ANKHD1: variants seen among roughly 807,000 people sequenced by gnomAD.
The protein encoded by ANKHD1 is ankyrin repeat and KH domain-containing protein 1.
ANKHD1 carries 31 observed loss-of-function variants against 230.5 expected under a neutral mutation model. The observed-to-expected ratio is 0.13, with a 90% CI of 0.10 to 0.18. The LOEUF is 0.18. Ranked by LOEUF, ANKHD1 falls within the 10% of genes least tolerant of loss-of-function variation. ANKHD1 has a pLI of 1.00. For synonymous variants in ANKHD1, 1,074 were observed against 1,117.6 expected, an observed-to-expected ratio of 0.96 and a Z score of 0.78; for missense variants, 2,256 against 3,071.3, an observed-to-expected ratio of 0.73 and a Z score of 6.27.
intron 10 of ANKHD1, among the ~76,000 whole-genome samples, chr5:140,470,906 T>C (rs1013689528): frequency 5.9e-5 from 9 of 152,096 alleles, no homozygotes; most frequent in African/African-American, 2.2e-4. Flanking sequence ...GGATTACAAG[T>C]ATGAGCCACC....
chr5:140,531,605 A>G (rs1753821101), intron 29 of ANKHD1, among the ~76,000 whole-genome samples: 1 of 152,150 alleles, frequency 6.6e-6, no homozygotes. Context: ...GTAATACTTA[A>G]GAAGATGGGA....
chr5:140,429,774 T>A (rs1051021941), intron 1 of ANKHD1, among the ~76,000 whole-genome samples: 21 of 152,368 alleles, frequency 1.4e-4, no homozygotes, highest in African/African-American at 5.1e-4. Flanking sequence ...TATTATTATT[T>A]TATTACAGTA....
chr5:140,533,647 G>A (rs927964643), intron 29 of ANKHD1, among the ~76,000 whole-genome samples: 4 of 151,456 alleles, frequency 2.6e-5, no homozygotes, highest in Non-Finnish European at 4.4e-5. Context: ...GGTGGTACAC[G>A]CTTGTAGTCC....
chr5:140,503,441 A>G (rs1209170983), intron 15 of ANKHD1, among the ~76,000 whole-genome samples: 2 of 151,996 alleles, frequency 1.3e-5, no homozygotes, highest in East Asian at 3.9e-4. Context: ...ACTACTCACA[A>G]CATCCCTGAG....
chr5:140,468,955 C>T (rs929352518), intron 10 of ANKHD1, among the ~76,000 whole-genome samples: 2 of 152,126 alleles, frequency 1.3e-5, no homozygotes, highest in African/African-American at 2.4e-5. Context: ...TTTATTGTTT[C>T]GGGAGGTCCA....
chr5:140,414,387 A>G (rs1317379728), intron 1 of ANKHD1, among the ~76,000 whole-genome samples: 1 of 152,192 alleles, frequency 6.6e-6, no homozygotes, highest in Non-Finnish European at 1.5e-5. Context: ...GATAATAGCA[A>G]TTCTAATGGG....
chr5:140,457,148 A>T (rs544615522), intron 7 of ANKHD1, among the ~76,000 whole-genome samples: 2 of 152,216 alleles, frequency 1.3e-5, no homozygotes, highest in Admixed American at 6.5e-5. Context: ...TCAAAACCAC[A>T]ATGAGATACC....
chr5:140,475,084 TTCTC>T (rs1308521482), intron 10 of ANKHD1, among the ~76,000 whole-genome samples: 1 of 152,210 alleles, frequency 6.6e-6, no homozygotes, highest in African/African-American at 2.4e-5. Flanking sequence ...TAAAGCCAAG[TTCTC>T]TCTTTCTATG....
intron 5 of ANKHD1, among the ~76,000 whole-genome samples, chr5:140,442,030 A>ATTTTTTTTTTTTTTTTTTTT (rs1561726990): frequency 1.5e-5 from 2 of 134,568 alleles, no homozygotes; most frequent in African/African-American, 5.6e-5. Context: ...CTAATAAGAT[A>ATTTTTTTTTTTTTTTTTTTT]TTCTTTTTTT....
intron 22 of ANKHD1, 100 bp from the exon 23 acceptor site, chr5:140,512,728 G>T: frequency 1.8e-6 from 2 of 1,097,480 alleles, no homozygotes; most frequent in East Asian, 5.8e-5. Flanking sequence ...CAAAATCAAG[G>T]GATTCCTTTG....
In ANKHD1 at chr5:140,421,924, T is replaced by C. The variant is rs190719430; in HGVS notation, c.307-14180T>C. Among the ~76,000 whole-genome samples, 1,208 of 152,356 alleles carry C rather than the reference T, an allele frequency of 7.9e-3. 9 individuals carry two copies. Among genetic ancestry groups the C allele is most frequent in the Admixed American group, 0.012 (177 of 15,304 alleles). On this transcript the variant is annotated intron_variant, in intron 1 of 33. Transcript: ENST00000360839. ...CCCCTCAACAGAATTTAGAATTATATGATGATATAGTATCACGAGTACTAT... is the reference window on the plus strand; with the variant it reads ...CCCCTCAACAGAATTTAGAATTATACGATGATATAGTATCACGAGTACTAT...
chr5:140,443,276 T>G (rs1774007153), intron 5 of ANKHD1, among the ~76,000 whole-genome samples: 1 of 152,154 alleles, frequency 6.6e-6, no homozygotes, highest in Non-Finnish European at 1.5e-5. Flanking sequence ...CCACAAATTT[T>G]AGGGGCAGAG....
chr5:140,536,294 A>G (rs1754068980), intron 30 of ANKHD1, among the ~76,000 whole-genome samples: 1 of 152,146 alleles, frequency 6.6e-6, no homozygotes, highest in South Asian at 2.1e-4. Context: ...GGGTTTCACC[A>G]TGTTGGCCAG....
rs1211553856 is a variant in ANKHD1, at chr5:140,401,878, T to G, written c.-90T>G. On this transcript the variant is annotated 5_prime_UTR_variant, in exon 1 of 34. Coordinates refer to ENST00000360839, the MANE Select transcript of ANKHD1 (RefSeq NM_017747.3). Reference sequence around the variant, plus strand: ...GCTGGGACGGGGGAAAGGAGACGCTTCTTCCTCTTGCTGCTCTTCTCGTTC... The same window carrying G: ...GCTGGGACGGGGGAAAGGAGACGCTGCTTCCTCTTGCTGCTCTTCTCGTTC... The G allele has an allele frequency of 6.8e-7, 1 of 1,466,454 alleles. No individual in the cohort carries two copies. The highest frequency in any genetic ancestry group is 9.0e-7 in the Non-Finnish European group (1 of 1,116,260). The allele number at this position is 1,466,454 out of a possible 1,614,324, so 90.8% of individuals were successfully genotyped here.
Position 140,445,827 on chromosome 5 carries a change from T to C in ANKHD1, c.999T>C (p.Asp333=), listed in dbSNP as rs1372523401. ...VLLNEGANIE[D]HNENGHTPLM... Reference sequence around the variant, plus strand: ...TTAATGAAGGTGCAAATATAGAAGATCATAATGAAAATGGACATACTCCCT... The same window carrying C: ...TTAATGAAGGTGCAAATATAGAAGACCATAATGAAAATGGACATACTCCCT... Residue 333 remains aspartate, a synonymous_variant, in exon 6 of 34, where the codon GAT becomes GAC. Coordinates refer to ENST00000360839, the MANE Select transcript of ANKHD1 (RefSeq NM_017747.3). 1 of 1,613,788 alleles carries C rather than the reference T, an allele frequency of 6.2e-7. No individual in the cohort carries two copies. Among genetic ancestry groups the C allele is most frequent in the South Asian group, 1.1e-5 (1 of 91,028 alleles).
chr5:140,441,196 TGAGA>T (rs1358077455), intron 5 of ANKHD1, 54 bp downstream of exon 5: 1 of 1,435,388 alleles, frequency 7.0e-7, no homozygotes, highest in Non-Finnish European at 9.1e-7. Context: ...AATTATTACC[TGAGA>T]GAGAGAAAAA....
intron 1 of ANKHD1, among the ~76,000 whole-genome samples, chr5:140,410,802 C>T (rs374961436): frequency 3.9e-5 from 6 of 151,946 alleles, no homozygotes; most frequent in African/African-American, 7.3e-5. Flanking sequence ...TAGATACTTT[C>T]GTTATTTTAT....
At chr5:140,533,802 A>G (rs1010990787) in intron 29 of ANKHD1, among the ~76,000 whole-genome samples, 1 of 150,980 alleles carries the variant, frequency 6.6e-6, no homozygotes, top group African/African-American at 2.4e-5. Flanking sequence ...AAAAAAAACA[A>G]GAAGTTATTA....
intron 1 of ANKHD1, among the ~76,000 whole-genome samples, chr5:140,413,377 T>TA (rs1771094786): frequency 6.6e-6 from 1 of 152,242 alleles, no homozygotes; most frequent in African/African-American, 2.4e-5. Context: ...ACATGTATGT[T>TA]AAATGTACAG....
Sources: gnomAD v4.1 joint callset for allele counts (sites outside exome capture counted in the v4.1 genomes callset) on GRCh38, gnomAD v4.1.1 for gene constraint, MANE v1.5 for transcripts, NCBI Gene and HGNC (gene_info 2026-07-23, HGNC 2026-07-21) for gene names.